Variants in UBQLN4 observed in about 807,000 individuals in gnomAD.
UBQLN4 encodes the protein ubiquilin 4.
In UBQLN4, 11 loss-of-function variants were observed where a neutral mutation model predicts 60.4. The observed-to-expected ratio is 0.18, with a 90% CI of 0.11 to 0.30. UBQLN4 has a LOEUF of 0.30. UBQLN4 is among the 10% of genes least tolerant of loss of function. The probability of loss-of-function intolerance (pLI) is 1.00; values close to 1 mark genes in which losing one functional copy is unlikely to be tolerated. For synonymous variants in UBQLN4, 258 were observed against 313.1 expected (o/e 0.82, Z 1.86); for missense variants, 417 against 795.5 (o/e 0.52, Z 5.72).
At chr1:156,032,609 A>C (rs866763771), downstream of UBQLN4, among the ~76,000 whole-genome samples, 1 of 151,786 alleles carries the variant, frequency 6.6e-6, no homozygotes, top group Non-Finnish European at 1.5e-5. Context: ...TTAGTATTTT[A>C]AGTGAACGTG....
chr1:156,034,825 C>CTATATATATATATTATATA (rs1553255404), downstream of UBQLN4, among the ~76,000 whole-genome samples: 5 of 46,384 alleles, frequency 1.1e-4, no homozygotes, highest in African/African-American at 4.3e-4. Flanking sequence ...CCTTAACCTT[C>CTATATATATATATTATATA]TATATATATA....
intron 6 of UBQLN4, 61 bp downstream of exon 6, chr1:156,043,937 G>A (rs951282130): frequency 7.7e-6 from 12 of 1,551,572 alleles, no homozygotes; most frequent in African/African-American, 6.8e-5. Context: ...ACCCCATTCA[G>A]TCCTGGGACA....
Position 156,050,985 on chromosome 1 carries a change from A to G in UBQLN4, c.478+125T>C. On this transcript the variant is annotated intron_variant, in intron 3 of 10. Coordinates refer to ENST00000368309, the MANE Select transcript of UBQLN4 (RefSeq NM_020131.5). This position sits in a 1 kb window ranked among gnomAD's most constrained non-coding sequence, Gnocchi z 4.6. ...GCTTGACTCAAGTATCAATGTCTGG[A>G]ACTCTGTCATGGGGTCCCCTATCCC... 1.1e-6 allele frequency: 1 copy of G among 896,368 alleles called. No individual in the cohort carries two copies. The highest frequency in any genetic ancestry group is 1.7e-6 in the Non-Finnish European group (1 of 572,554). 55.5% of individuals were successfully genotyped at this position (896,368 alleles called of 1,614,324 possible).
chr1:156,053,495 T>TCTCCGGGGCC (rs1350164944), intron 1 of UBQLN4, 99 bp downstream of exon 1: 31 of 741,828 alleles, frequency 4.2e-5, no homozygotes, highest in Non-Finnish European at 5.2e-5. Context: ...CCCGCCCTCC[T>TCTCCGGGGCC]CTCCGGGGCC....
At position 156,053,725 on chromosome 1, in the gene UBQLN4, C is replaced by T; in HGVS notation, c.-24G>A. 1 of 1,244,526 alleles carries T rather than the reference C, an allele frequency of 8.0e-7. No homozygotes were observed. The highest frequency in any genetic ancestry group is 1.0e-6 in the Non-Finnish European group (1 of 983,170). The allele number at this position is 1,244,526 out of a possible 1,614,324, so 77.1% of individuals were successfully genotyped here. A position where few individuals can be genotyped will look rare whatever the true frequency, so the allele number is the denominator to read the frequency against. ...ATGCCGCCGCCGCCACCCGGCCGCC[C>T]GCCAGCCCGCCCGGCTCCTCCTCCT... On this transcript the variant is annotated 5_prime_UTR_variant, in exon 1 of 11. Coordinates refer to ENST00000368309, the MANE Select transcript of UBQLN4 (RefSeq NM_020131.5).
At chr1:156,037,354 A>G (rs199628993) in intron 10 of UBQLN4, among the ~76,000 whole-genome samples, 3 of 152,034 alleles carry the variant, frequency 2.0e-5, no homozygotes, top group African/African-American at 7.2e-5. Context: ...CCAGCACTTT[A>G]GGAGGCTGAG....
At position 156,044,111 on chromosome 1, in the gene UBQLN4, G is replaced by A. The variant is rs1683638561; in HGVS notation, c.1013C>T (p.Pro338Leu). Residue 338 changes from proline (P) to leucine (L), a missense_variant, in exon 6 of 11, where the codon CCC (proline) becomes CTC (leucine). Coordinates refer to ENST00000368309, the MANE Select transcript of UBQLN4 (RefSeq NM_020131.5). Reference protein sequence around the residue: ...PLPNPWSPSPPTSQAPGSGGE... With the variant: ...PLPNPWSPSPLTSQAPGSGGE... ...ACCGGACCCGGGGGCCTGGGAGGTG[G>A]GGGGCGAGGGGCTCCAGGGGTTAGG... The A allele has an allele frequency of 1.3e-6, 2 of 1,586,896 alleles. No homozygotes were observed. The highest frequency in any genetic ancestry group is 8.6e-7 in the Non-Finnish European group (1 of 1,166,962).
chr1:156,042,649 G>T, intron 7 of UBQLN4, 125 bp downstream of exon 7: 4 of 1,401,744 alleles, frequency 2.9e-6, no homozygotes, highest in Non-Finnish European at 3.8e-6. Context: ...ACACAGCTGG[G>T]AAGCAGCAGA....
At chr1:156,040,753 G>A (rs1374512878) in intron 10 of UBQLN4, among the ~76,000 whole-genome samples, 1 of 152,170 alleles carries the variant, frequency 6.6e-6, no homozygotes, top group Non-Finnish European at 1.5e-5. Flanking sequence ...CGCCCAGCCA[G>A]TCCACAGAAT....
Position 156,036,901 on chromosome 1 carries a change from G to A in UBQLN4, c.*77C>T. 6.4e-7 allele frequency: 1 copy of A among 1,558,132 alleles called. No individual in the cohort carries two copies. The highest frequency in any genetic ancestry group is 8.7e-7 in the Non-Finnish European group (1 of 1,153,522). ...GAGAAGACGGAAGGGAGGACAAGCT[G>A]CAGAGGGTAAGGATTGACAGAAGAA... On this transcript the variant is annotated 3_prime_UTR_variant, in exon 11 of 11. Coordinates refer to ENST00000368309, the MANE Select transcript of UBQLN4 (RefSeq NM_020131.5).
intron 1 of UBQLN4, 53 bp downstream of exon 1, chr1:156,053,541 C>G: frequency 2.7e-6 from 3 of 1,094,194 alleles, no homozygotes; most frequent in Non-Finnish European, 3.5e-6. Context: ...GGCCCCCCAT[C>G]TCTTCGCAGA....
In UBQLN4 at chr1:156,048,383, GGCCCAC is replaced by G; in HGVS notation, c.900+112_900+117del. 1 of 1,263,160 alleles carries G rather than the reference GGCCCAC, an allele frequency of 7.9e-7. No homozygotes were observed. The highest frequency in any genetic ancestry group is 1.6e-5 in the South Asian group (1 of 62,986). The allele number at this position is 1,263,160 out of a possible 1,614,324, so 78.2% of individuals were successfully genotyped here. A position where few individuals can be genotyped will look rare whatever the true frequency, so the allele number is the denominator to read the frequency against. On this transcript the variant is annotated intron_variant, in intron 5 of 10. Transcript: ENST00000368309. This position sits in a 1 kb window ranked among gnomAD's most constrained non-coding sequence, Gnocchi z 4.9. Reference sequence around the variant, plus strand: ...CTGTTGAGAACTGCCTTCAAGCCAAGGCCCACCCCTCAGGGGACTGGGGAAAGAAAG... The same window carrying G: ...CTGTTGAGAACTGCCTTCAAGCCAAGCCCTCAGGGGACTGGGGAAAGAAAG...
chr1:156,036,045 A>T lies in UBQLN4; in HGVS notation c.*933T>A, dbSNP rs1331212567. 1 of 985,522 alleles carries T rather than the reference A, an allele frequency of 1.0e-6. No individual in the cohort carries two copies. Among genetic ancestry groups the T allele is most frequent in the African/African-American group, 1.7e-5 (1 of 57,254 alleles). The allele number at this position is 985,522 out of a possible 1,614,324, so 61.0% of individuals were successfully genotyped here. A position where few individuals can be genotyped will look rare whatever the true frequency, so the allele number is the denominator to read the frequency against. On this transcript the variant is annotated 3_prime_UTR_variant, in exon 11 of 11. Transcript: ENST00000368309. ...CATGGAAATGTGTGTGTGTGTGCAT[A>T]TAAGCACATATGCTTGAGGAACTAA... is the stretch of plus-strand genomic sequence containing the variant.
intron 7 of UBQLN4, 140 bp from the exon 8 acceptor site, chr1:156,042,376 G>T: frequency 7.0e-7 from 1 of 1,434,570 alleles, no homozygotes. Context: ...TATCCTGAAG[G>T]CCTAAGTGGG....
Position 156,050,619 on chromosome 1 carries a change from G to A in UBQLN4, c.479-66C>T. 1 of 1,518,350 alleles carries A rather than the reference G, an allele frequency of 6.6e-7. No homozygotes were observed. The highest frequency in any genetic ancestry group is 2.3e-5 in the East Asian group (1 of 42,986). 94.1% of individuals were successfully genotyped at this position (1,518,350 alleles called of 1,614,324 possible). A position where few individuals can be genotyped will look rare whatever the true frequency, so the allele number is the denominator to read the frequency against. ...GTGTCCTCACTTAGCCAGAGCCACTGAATTCAGATCTCCAGGACACGCCCC... is the reference window on the plus strand; with the variant it reads ...GTGTCCTCACTTAGCCAGAGCCACTAAATTCAGATCTCCAGGACACGCCCC... On this transcript the variant is annotated intron_variant, in intron 3 of 10. Transcript: ENST00000368309. The surrounding 1 kb of genome is among the most constrained non-coding windows in gnomAD (Gnocchi z 4.6).
At chr1:156,043,967 C>T in intron 6 of UBQLN4, 31 bp downstream of exon 6, 2 of 1,609,190 alleles carry the variant, frequency 1.2e-6, no homozygotes, top group Non-Finnish European at 1.7e-6. Flanking sequence ...CCCTGGTGAC[C>T]CCACTAAGCT....
chr1:156,042,535 C>T (rs571769531), intron 7 of UBQLN4: 53 of 1,096,326 alleles, frequency 4.8e-5, no homozygotes, highest in South Asian at 2.2e-4. Context: ...AAGCACTTAA[C>T]GTGTATTAAC....
chr1:156,035,441 C>T lies in UBQLN4; in HGVS notation c.*1537G>A, dbSNP rs905939172. ...GAGCAAACTCTGTTCCTCTTGCCGT[C>T]ATATTCTCAGCCATGGGGTCGGTCC... On this transcript the variant is annotated 3_prime_UTR_variant, in exon 11 of 11. Transcript: ENST00000368309. The T allele has an allele frequency of 1.6e-5, 16 of 984,978 alleles. No individual in the cohort carries two copies. The highest frequency in any genetic ancestry group is 1.8e-5 in the Non-Finnish European group (15 of 829,806). The allele number at this position is 984,978 out of a possible 1,614,324, so 61.0% of individuals were successfully genotyped here. A position where few individuals can be genotyped will look rare whatever the true frequency, so the allele number is the denominator to read the frequency against.
At chr1:156,039,272 TG>T (rs1683484745) in intron 10 of UBQLN4, among the ~76,000 whole-genome samples, 1 of 122,728 alleles carries the variant, frequency 8.1e-6, no homozygotes, top group Non-Finnish European at 1.7e-5. Context: ...TTTTTTGAGA[TG>T]GAGTTTCACT....
Sources: gnomAD v4.1 joint callset for allele counts (sites outside exome capture counted in the v4.1 genomes callset) on GRCh38, gnomAD v4.1.1 for gene constraint, Gnocchi (gnomAD v3.1) non-coding constraint, MANE v1.5 for transcripts, NCBI Gene and HGNC (gene_info 2026-07-23, HGNC 2026-07-21) for gene names.